The following USP31 variants were observed in gnomAD, a reference collection of about 807,000 sequenced individuals.
USP31 encodes ubiquitin specific peptidase 31.
A neutral mutation model predicts 119.4 loss-of-function variants in USP31; 44 were observed. The observed-to-expected ratio is 0.37, with a 90% CI of 0.29 to 0.47. The LOEUF is 0.47. USP31 is among the 20% of genes least tolerant of loss of function. USP31 has a pLI of 0.99. For missense variants in USP31, 1,643 were observed against 1,730.2 expected (o/e 0.95, Z 0.89); for synonymous variants, 749 against 705.6 (o/e 1.06, Z -0.97).
rs368818015 is a variant in USP31, at chr16:23,076,300, A to G, written c.2177-2420T>C. Among the ~76,000 whole-genome samples the G allele has an allele frequency of 5.3e-5, 8 of 152,218 alleles. No individual in the cohort carries two copies. In the South Asian group the frequency reaches 1.0e-3, roughly 20 times the overall value. ...TAAAAGTTGATGTTAAAAAAAAAAAAAAAAGAAAAAACTTAAAAACAGAGT... is the reference window on the plus strand; with the variant it reads ...TAAAAGTTGATGTTAAAAAAAAAAAGAAAAGAAAAAACTTAAAAACAGAGT... On this transcript the variant is annotated intron_variant, in intron 13 of 15. Transcript: ENST00000219689.
At chr16:23,083,729 A>C (rs1275266892) in intron 11 of USP31, among the ~76,000 whole-genome samples, 1 of 149,544 alleles carries the variant, frequency 6.7e-6, no homozygotes, top group Admixed American at 6.7e-5. Context: ...GAAAAAAAAA[A>C]CCCATGTCTT....
chr16:23,120,749 G>A lies in USP31; in HGVS notation c.634-12566C>T, dbSNP rs142098547. Among the ~76,000 whole-genome samples the A allele has an allele frequency of 9.8e-4, 149 of 152,298 alleles. 1 individual carries two copies. Among genetic ancestry groups the A allele is most frequent in the African/African-American group, 3.3e-3 (138 of 41,562 alleles). ...CACAATGACCCTGCCCACAGCACAA[G>A]AGCCAATCAATGTTCTTCGCTGAGT... On this transcript the variant is annotated intron_variant, in intron 1 of 15. Coordinates refer to ENST00000219689, the MANE Select transcript of USP31 (RefSeq NM_020718.4).
intron 1 of USP31, among the ~76,000 whole-genome samples, chr16:23,116,986 C>T (rs1567241651): frequency 1.3e-5 from 2 of 152,120 alleles, no homozygotes; most frequent in Non-Finnish European, 2.9e-5. Context: ...TTTCAGAGTT[C>T]ATATTTTTTT....
At chr16:23,140,427 A>T (rs1264748914) in intron 1 of USP31, among the ~76,000 whole-genome samples, 12 of 152,148 alleles carry the variant, frequency 7.9e-5, no homozygotes. Flanking sequence ...AGCCCCCAAC[A>T]ACAAAGAATT....
chr16:23,107,103 A>C (rs2141874963), intron 2 of USP31, among the ~76,000 whole-genome samples: 1 of 151,160 alleles, frequency 6.6e-6, no homozygotes, highest in African/African-American at 2.4e-5. Flanking sequence ...CAAGAGCGAA[A>C]GTCCGTCTCA....
intron 6 of USP31, among the ~76,000 whole-genome samples, chr16:23,096,614 T>C (rs567018417): frequency 6.6e-6 from 1 of 152,280 alleles, no homozygotes; most frequent in African/African-American, 2.4e-5. Flanking sequence ...TCAGCAACTG[T>C]AAAAGAACAG....
chr16:23,068,370 G>A lies in USP31; in HGVS notation c.3735C>T (p.Gly1245=), dbSNP rs998030067. The part of the protein sequence containing the change: ...QKETRRSTDL[G]KTALLSKKAG... ...CCTTTTTAGAGAGCAAGGCTGTCTT[G>A]CCAAGATCCGTCGAGCGCCGGGTTT... Residue 1245 remains glycine, a synonymous_variant, in exon 16 of 16, where the codon GGC becomes GGT. Transcript: ENST00000219689. The A allele has an allele frequency of 1.2e-6, 2 of 1,614,038 alleles. No homozygotes were observed. The highest frequency in any genetic ancestry group is 2.2e-5 in the East Asian group (1 of 44,900).
chr16:23,118,329 TAAAG>T (rs1342498071), intron 1 of USP31, among the ~76,000 whole-genome samples: 4 of 152,140 alleles, frequency 2.6e-5, no homozygotes, highest in Non-Finnish European at 4.4e-5. Flanking sequence ...ATGCCAAAGA[TAAAG>T]AAAACGAGAA....
chr16:23,102,568 G>A (rs1418005068), intron 5 of USP31, 105 bp from the exon 6 acceptor site: 6 of 1,336,400 alleles, frequency 4.5e-6, no homozygotes, highest in Non-Finnish European at 6.0e-6. Flanking sequence ...GCAGTGGTCT[G>A]AGAGACATCT....
rs1903627069 is a variant in USP31 at position 23,149,013 on chromosome 16, G to A, written c.258C>T (p.Asp86=). 5.1e-5 allele frequency: 59 copies of A among 1,145,674 alleles called. No individual in the cohort carries two copies. Among genetic ancestry groups the A allele is most frequent in the Non-Finnish European group, 6.3e-5 (58 of 915,240 alleles). The allele number at this position is 1,145,674 out of a possible 1,614,324, so 71.0% of individuals were successfully genotyped here. A position where few individuals can be genotyped will look rare whatever the true frequency, so the allele number is the denominator to read the frequency against. Reference sequence around the variant, plus strand: ...GGAAGCAGCTGCGGAGGCCGCCGCGGTCTGGGGCGGCGCCCTCAGAGCTAA... The same window carrying A: ...GGAAGCAGCTGCGGAGGCCGCCGCGATCTGGGGCGGCGCCCTCAGAGCTAA... The part of the protein sequence containing the change: ...SHLSSEGAAP[D]RGGLRSCFPP... Residue 86 remains aspartate, a synonymous_variant, in exon 1 of 16, where the codon GAC becomes GAT. Coordinates refer to ENST00000219689, the MANE Select transcript of USP31 (RefSeq NM_020718.4).
Position 23,067,728 on chromosome 16 carries a change from A to G in USP31, c.*318T>C, listed in dbSNP as rs1900133454. 1.0e-5 allele frequency: 2 copies of G among 199,568 alleles called. No homozygotes were observed. Among genetic ancestry groups the G allele is most frequent in the Non-Finnish European group, 1.0e-5 (1 of 98,296 alleles). The allele number at this position is 199,568 out of a possible 1,614,324, so 12.4% of individuals were successfully genotyped here. On this transcript the variant is annotated 3_prime_UTR_variant, in exon 16 of 16. Coordinates refer to ENST00000219689, the MANE Select transcript of USP31 (RefSeq NM_020718.4). The stretch of plus-strand genomic sequence containing the variant: ...TTTCAAAACCCTCATATCCAAAGAA[A>G]GTCATTAGAGTTCTCTAGAAAGAAA...
At chr16:23,127,353 G>A (rs1010652401) in intron 1 of USP31, among the ~76,000 whole-genome samples, 1 of 152,110 alleles carries the variant, frequency 6.6e-6, no homozygotes, top group Admixed American at 6.5e-5. Flanking sequence ...CTGGGAGGTA[G>A]GCTTGCAGTG....
intron 1 of USP31, among the ~76,000 whole-genome samples, chr16:23,129,921 C>T (rs200691960): frequency 2.4e-4 from 36 of 152,258 alleles, no homozygotes; most frequent in African/African-American, 8.4e-4. Context: ...GTATAGGGCA[C>T]AAACAATAGC....
At chr16:23,124,873 A>G (rs914095357) in intron 1 of USP31, among the ~76,000 whole-genome samples, 4 of 152,184 alleles carry the variant, frequency 2.6e-5, no homozygotes, top group African/African-American at 9.7e-5. Context: ...TGGGTGACAG[A>G]ACGAGACTCT....
At position 23,088,122 on chromosome 16, in the gene USP31, G is replaced by T. The variant is rs568675732; in HGVS notation, c.1416-287C>A. On this transcript the variant is annotated intron_variant, in intron 7 of 15. Coordinates refer to ENST00000219689, the MANE Select transcript of USP31 (RefSeq NM_020718.4). Reference sequence around the variant, plus strand: ...GGATCAGTGAAGATGGAGAGCACAGGGGGTGGGAGTGGACATGAGCCTGGC... The same window carrying T: ...GGATCAGTGAAGATGGAGAGCACAGTGGGTGGGAGTGGACATGAGCCTGGC... 7.2e-5 allele frequency among the ~76,000 whole-genome samples: 11 copies of T among 152,262 alleles called. No individual in the cohort carries two copies. In the East Asian group the frequency reaches 1.9e-3, roughly 27 times the overall value.
intron 1 of USP31, among the ~76,000 whole-genome samples, chr16:23,109,423 CAAAGTATAAA>C (rs1169032962): frequency 2.6e-5 from 4 of 151,926 alleles, no homozygotes; most frequent in African/African-American, 9.7e-5. Flanking sequence ...AGTTATAACC[CAAAGTATAAA>C]AAAGTATAAA....
At chr16:23,082,829 C>CTTTTTT (rs1388989158) in intron 11 of USP31, among the ~76,000 whole-genome samples, 26 of 116,396 alleles carry the variant, frequency 2.2e-4, no homozygotes, top group South Asian at 5.5e-4. Context: ...TTCTTTCTCT[C>CTTTTTT]TCTTTTTTTT....
At chr16:23,134,727 T>C (rs1903136026) in intron 1 of USP31, among the ~76,000 whole-genome samples, 1 of 146,314 alleles carries the variant, frequency 6.8e-6, no homozygotes, top group South Asian at 2.2e-4. Flanking sequence ...TATACAAGAA[T>C]ACCATTTTCA....
chr16:23,095,107 T>C (rs767686964), intron 6 of USP31, among the ~76,000 whole-genome samples: 16 of 152,038 alleles, frequency 1.1e-4, no homozygotes, highest in Non-Finnish European at 8.8e-5. Flanking sequence ...AAAAAAAGGT[T>C]AGACAAATGG....
Sources: allele counts gnomAD v4.1 joint callset (sites outside exome capture counted in the v4.1 genomes callset), GRCh38; gene constraint gnomAD v4.1.1; transcripts MANE v1.5; gene names NCBI Gene and HGNC (gene_info 2026-07-23, HGNC 2026-07-21).